Variants in CNOT2 observed in about 807,000 individuals in gnomAD.
The protein encoded by CNOT2 is CCR4-NOT transcription complex subunit 2.
CNOT2 carries 7 observed loss-of-function variants against 72.1 expected under a neutral mutation model. The ratio of observed to expected loss-of-function variants is 0.10; its 90% CI spans 0.06 to 0.18. The LOEUF (loss-of-function observed/expected upper bound fraction) is 0.18, where lower values mean the gene tolerates loss of function less well. CNOT2 is among the 10% of genes least tolerant of loss of function. The probability of loss-of-function intolerance (pLI) is 1.00; values close to 1 mark genes in which losing one functional copy is unlikely to be tolerated. For missense variants in CNOT2, 345 were observed against 660.3 expected (o/e 0.52, Z 5.23); for synonymous variants, 196 against 225.6 (o/e 0.87, Z 1.17).
rs951269026 is a variant in CNOT2, at chr12:70,342,248, T to C, written c.1241-10T>C. ...TCAGTTAATAAGGCTTTTTTCATTT[T>C]ATTATCCAGACTTCCATGTTCCATC... On this transcript the variant is annotated splice_polypyrimidine_tract_variant and intron_variant, in intron 12 of 15. Transcript: ENST00000229195. 6.2e-7 allele frequency: 1 copy of C among 1,613,676 alleles called. No homozygotes were observed. Among genetic ancestry groups the C allele is most frequent in the African/African-American group, 1.3e-5 (1 of 74,916 alleles).
At chr12:70,280,320 G>A (rs1565760854) in intron 2 of CNOT2, among the ~76,000 whole-genome samples, 1 of 152,106 alleles carries the variant, frequency 6.6e-6, no homozygotes, top group Admixed American at 6.5e-5. Context: ...AAGGGACATA[G>A]AGGGATAAAT....
At position 70,319,315 on chromosome 12, in the gene CNOT2, T is replaced by C; in HGVS notation, c.189T>C (p.Ser63=). ...GTTTCTAGATGCTGGCATCACCATCTACATCAGGTCAGCTGTCTCAGTTTG... is the reference window on the plus strand; with the variant it reads ...GTTTCTAGATGCTGGCATCACCATCCACATCAGGTCAGCTGTCTCAGTTTG... ...RSEKDMLASP[S]TSGQLSQFGA... Residue 63 remains serine (S), a synonymous_variant, in exon 4 of 16, where the codon TCT becomes TCC. Transcript: ENST00000229195. The C allele has an allele frequency of 2.5e-6, 4 of 1,610,396 alleles. No individual in the cohort carries two copies. Among genetic ancestry groups the C allele is most frequent in the Non-Finnish European group, 3.4e-6 (4 of 1,177,418 alleles).
At chr12:70,351,371 A>C (rs1414191943) in intron 15 of CNOT2, among the ~76,000 whole-genome samples, 1 of 152,174 alleles carries the variant, frequency 6.6e-6, no homozygotes, top group East Asian at 1.9e-4. Context: ...ATATATAACA[A>C]ACATGTAAAT....
chr12:70,293,098 A>C (rs1872196115), intron 2 of CNOT2, among the ~76,000 whole-genome samples: 1 of 151,972 alleles, frequency 6.6e-6, no homozygotes, highest in Admixed American at 6.6e-5. Context: ...TTTCTTTGAA[A>C]ATAACTCACT....
chr12:70,305,821 G>A (rs1255111825), intron 2 of CNOT2, among the ~76,000 whole-genome samples: 1 of 150,042 alleles, frequency 6.7e-6, no homozygotes, highest in Non-Finnish European at 1.5e-5. Context: ...CCTGTATCAG[G>A]GACCACTTTA....
Position 70,337,379 on chromosome 12 carries a change from CAT to C in CNOT2, c.776-9_776-8del. On this transcript the variant is annotated splice_polypyrimidine_tract_variant and splice_region_variant and intron_variant, in intron 8 of 15. Transcript: ENST00000229195. The stretch of plus-strand genomic sequence containing the variant: ...CAATTGCAATTCTCCGGATTATTTT[CAT>C]TACATAGTTGGAATGGTAACAAAAC... 2 of 1,600,460 alleles carry C rather than the reference CAT, an allele frequency of 1.2e-6. No homozygotes were observed. The highest frequency in any genetic ancestry group is 1.7e-6 in the Non-Finnish European group (2 of 1,169,220).
chr12:70,305,153 C>T (rs528098047), intron 2 of CNOT2, among the ~76,000 whole-genome samples: 133 of 152,362 alleles, frequency 8.7e-4, no homozygotes, highest in African/African-American at 3.1e-3. Flanking sequence ...TTTCGGCTCA[C>T]GCATGGTGCG....
chr12:70,303,345 T>C (rs572067756), intron 2 of CNOT2, among the ~76,000 whole-genome samples: 1 of 152,346 alleles, frequency 6.6e-6, no homozygotes, highest in Non-Finnish European at 1.5e-5. Context: ...GTTTTTGCAG[T>C]GGCTGGTACC....
chr12:70,335,290 C>G (rs1291707931), intron 7 of CNOT2, 148 bp from the exon 8 acceptor site: 1 of 524,298 alleles, frequency 1.9e-6, no homozygotes, highest in Non-Finnish European at 3.4e-6. Flanking sequence ...CTGCAAGTAT[C>G]TTTTGAGCAC....
chr12:70,259,340 T>TAATA (rs1209527191), intron 1 of CNOT2, among the ~76,000 whole-genome samples: 3 of 152,140 alleles, frequency 2.0e-5, no homozygotes, highest in African/African-American at 7.2e-5. Flanking sequence ...CCATAGGAAC[T>TAATA]AATACCATTC....
At chr12:70,247,407 C>T (rs1055410375) in intron 1 of CNOT2, among the ~76,000 whole-genome samples, 2 of 152,132 alleles carry the variant, frequency 1.3e-5, no homozygotes, top group Non-Finnish European at 2.9e-5. Flanking sequence ...CCGCCTGCCT[C>T]ACCCTCCCAA....
chr12:70,302,933 GTTC>G (rs1459510775), intron 2 of CNOT2, among the ~76,000 whole-genome samples: 1 of 152,172 alleles, frequency 6.6e-6, no homozygotes, highest in Middle Eastern at 3.2e-3. Flanking sequence ...AGGATAGTTA[GTTC>G]TTCTTGTTGA....
At chr12:70,347,001 A>ATGTGGAGAGAATATATTATTCTCTACC in intron 15 of CNOT2, among the ~76,000 whole-genome samples, 1 of 152,086 alleles carries the variant, frequency 6.6e-6, no homozygotes, top group African/African-American at 2.4e-5. Flanking sequence ...TATTCTCTAC[A>ATGTGGAGAGAATATATTATTCTCTACC]TGTGGAGAGA....
intron 3 of CNOT2, among the ~76,000 whole-genome samples, chr12:70,317,862 A>T (rs928868007): frequency 6.6e-6 from 1 of 151,854 alleles, no homozygotes; most frequent in African/African-American, 2.4e-5. Flanking sequence ...CAGCACCACA[A>T]GACAGGGTGA....
At chr12:70,317,886 AAAAC>A (rs1305423035) in intron 3 of CNOT2, among the ~76,000 whole-genome samples, 2 of 151,960 alleles carry the variant, frequency 1.3e-5, no homozygotes, top group South Asian at 2.1e-4. Context: ...AATAGAAAAA[AAAAC>A]AAACAAAAAT....
chr12:70,308,101 G>A (rs1875759583), intron 2 of CNOT2, among the ~76,000 whole-genome samples: 1 of 152,012 alleles, frequency 6.6e-6, no homozygotes, highest in African/African-American at 2.4e-5. Flanking sequence ...CCAGTGAGGG[G>A]TTTACTGACC....
intron 7 of CNOT2, 33 bp downstream of exon 7, chr12:70,332,879 A>C (rs1215790907): frequency 6.4e-7 from 1 of 1,552,288 alleles, no homozygotes; most frequent in African/African-American, 1.4e-5. Context: ...ACCCTACAAA[A>C]AGTATGATAG....
intron 14 of CNOT2, 171 bp from the exon 15 acceptor site, chr12:70,346,009 T>C: frequency 1.9e-6 from 1 of 515,172 alleles, no homozygotes; most frequent in Non-Finnish European, 3.4e-6. Flanking sequence ...ATTTTTTCTA[T>C]ATTTCAATGC....
At chr12:70,321,654 AC>A (rs1878320381) in intron 4 of CNOT2, 1 of 151,820 alleles carries the variant, frequency 6.6e-6, no homozygotes, top group Admixed American at 6.6e-5. Context: ...CAGTTGGCAA[AC>A]TTTTATTGTA....
Sources: allele counts gnomAD v4.1 joint callset (sites outside exome capture counted in the v4.1 genomes callset), GRCh38; gene constraint gnomAD v4.1.1; transcripts MANE v1.5; gene names NCBI Gene and HGNC (gene_info 2026-07-23, HGNC 2026-07-21).